Variants in ABCC5 observed in about 807,000 individuals in gnomAD.
ABCC5 encodes ATP binding cassette subfamily C member 5.
A neutral mutation model predicts 160.9 loss-of-function variants in ABCC5; 61 were observed. That is an observed-to-expected ratio of 0.38 (90% confidence interval 0.31 to 0.47). The LOEUF (loss-of-function observed/expected upper bound fraction) is 0.47. Among genes scored for constraint, ABCC5 ranks in the 20% least tolerant of loss-of-function variants. The probability of loss-of-function intolerance (pLI) is 0.99; values close to 1 mark genes in which losing one functional copy is unlikely to be tolerated. For missense variants in ABCC5, 1,308 were observed against 1,813.3 expected (o/e 0.72, Z 5.06); for synonymous variants, 666 against 700.6 (o/e 0.95, Z 0.78).
rs115178982 is a variant in ABCC5, at chr3:183,998,485, G to A, written c.130-9102C>T. ...AACAAACCAACATAGCATGTACTAT[G>A]TGCCAGACACTGTTTTAAATGGTTT... On this transcript the variant is annotated intron_variant, in intron 2 of 29. Coordinates refer to ENST00000334444, the MANE Select transcript of ABCC5 (RefSeq NM_005688.4). Among the ~76,000 whole-genome samples, 634 of 152,250 alleles carry A rather than the reference G, an allele frequency of 4.2e-3. 2 individuals carry two copies. Among genetic ancestry groups the A allele is most frequent in the Admixed American group, 8.2e-3 (126 of 15,276 alleles).
chr3:183,977,708 G>C (rs909914671), intron 9 of ABCC5, 84 bp from the exon 10 acceptor site: 1 of 900,748 alleles, frequency 1.1e-6, no homozygotes, highest in Admixed American at 2.4e-5. Flanking sequence ...CCTCTCAGGC[G>C]CTAGGAAGGC....
chr3:183,973,501 G>A lies in ABCC5; in HGVS notation c.1405-1582C>T, dbSNP rs544517661. Among the ~76,000 whole-genome samples the A allele has an allele frequency of 3.3e-4, 50 of 152,178 alleles. 1 individual carries two copies. In the South Asian group the frequency reaches 9.5e-3, roughly 29 times the overall value. On this transcript the variant is annotated intron_variant, in intron 10 of 29. Transcript: ENST00000334444. ...GCTTTTAGGGTCAGGACCCTCCTTA[G>A]TTACTGAGAACCCCCCAGCTATCTT...
rs1335966819 is a variant in ABCC5, at chr3:183,971,887, T to C, written c.1437A>G (p.Ile479Met). The stretch of plus-strand genomic sequence containing the variant: ...TGTGAGGACTGGCTGGTTTGTTCTT[T>C]ATCATGTGAACCTCTTCCATTAGAA... Reference protein sequence around the residue: ...SLFLMEEVHMIKNKPASPHIK... With the variant: ...SLFLMEEVHMMKNKPASPHIK... The change falls in exon 11 of 30, where the codon ATA becomes ATG. Residue 479 changes from isoleucine (I) to methionine (M), a missense_variant. Around this residue, in one of 3 missense-constraint regions of ABCC5, gnomAD observed 1,142 missense variants for 1,527.1 expected, o/e 0.75. Coordinates refer to ENST00000334444, the MANE Select transcript of ABCC5 (RefSeq NM_005688.4). 1 of 1,614,072 alleles carries C rather than the reference T, an allele frequency of 6.2e-7. No homozygotes were observed. The highest frequency in any genetic ancestry group is 1.3e-5 in the African/African-American group (1 of 74,928).
intron 12 of ABCC5, among the ~76,000 whole-genome samples, chr3:183,966,460 CAG>C (rs1490573152): frequency 6.6e-6 from 1 of 152,240 alleles, no homozygotes. Context: ...CTGCCAGAGA[CAG>C]GGTTGCCAGG....
chr3:184,005,371 T>C (rs1180467812), intron 2 of ABCC5, among the ~76,000 whole-genome samples: 2 of 152,156 alleles, frequency 1.3e-5, no homozygotes, highest in African/African-American at 2.4e-5. Context: ...ATTCATAAAA[T>C]AATCTTAAAT....
intron 29 of ABCC5, among the ~76,000 whole-genome samples, chr3:183,924,077 G>A (rs559702939): frequency 2.7e-5 from 4 of 147,358 alleles, no homozygotes; most frequent in Admixed American, 6.8e-5. Flanking sequence ...GTGCAGTGGC[G>A]CTATCTCAGC....
At chr3:183,938,192 A>T (rs1057380320) in intron 25 of ABCC5, 132 bp from the exon 26 acceptor site, 36 of 873,146 alleles carry the variant, frequency 4.1e-5, no homozygotes, top group Non-Finnish European at 5.6e-5. Flanking sequence ...ATTAACTGAG[A>T]TAATGTATAA....
intron 25 of ABCC5, among the ~76,000 whole-genome samples, chr3:183,941,229 G>A (rs1305650603): frequency 6.6e-6 from 1 of 152,130 alleles, no homozygotes; most frequent in East Asian, 1.9e-4. Flanking sequence ...GCTTGTTTTG[G>A]CCTATCTCAC....
intron 25 of ABCC5, 171 bp downstream of exon 25, chr3:183,942,556 T>G (rs1444121763): frequency 1.2e-6 from 1 of 810,006 alleles, no homozygotes; most frequent in East Asian, 2.7e-5. Context: ...TGAAAAGCAC[T>G]CAATGTCATC....
intron 26 of ABCC5, among the ~76,000 whole-genome samples, chr3:183,936,780 T>C (rs1254382992): frequency 2.0e-5 from 3 of 152,158 alleles, no homozygotes; most frequent in Non-Finnish European, 4.4e-5. Flanking sequence ...AGTGTTGGGA[T>C]TACAGGCGTG....
chr3:183,921,251 A>AGGGAATG lies in ABCC5; in HGVS notation c.*42_*48dup. 2 of 1,111,900 alleles carry AGGGAATG rather than the reference A, an allele frequency of 1.8e-6. No individual in the cohort carries two copies. The highest frequency in any genetic ancestry group is 2.7e-6 in the Non-Finnish European group (2 of 747,620). The allele number at this position is 1,111,900 out of a possible 1,614,324, so 68.9% of individuals were successfully genotyped here. ...ACGCGATGAGGGGCCCGCCCCAGGC[A>AGGGAATG]GGGAATGGCAATGCTCTAAAGAAAA... On this transcript the variant is annotated 3_prime_UTR_variant, in exon 30 of 30. Coordinates refer to ENST00000334444, the MANE Select transcript of ABCC5 (RefSeq NM_005688.4). The surrounding 1 kb of genome is among the most constrained non-coding windows in gnomAD (Gnocchi z 4.1).
intron 2 of ABCC5, among the ~76,000 whole-genome samples, chr3:184,003,087 A>G (rs1720887489): frequency 1.3e-5 from 2 of 152,154 alleles, no homozygotes; most frequent in African/African-American, 4.8e-5. Flanking sequence ...CCTTCTGGCC[A>G]AGAAAACCAT....
chr3:184,007,223 T>A (rs1408095078), intron 2 of ABCC5, among the ~76,000 whole-genome samples: 2 of 151,556 alleles, frequency 1.3e-5, no homozygotes, highest in East Asian at 4.0e-4. Flanking sequence ...GGTTTCACCA[T>A]GTTAGCCAGG....
intron 8 of ABCC5, among the ~76,000 whole-genome samples, chr3:183,980,687 C>T (rs969573343): frequency 1.3e-5 from 2 of 151,596 alleles, no homozygotes; most frequent in Admixed American, 6.6e-5. Flanking sequence ...AGGAAAACAA[C>T]AGCTGCCTTG....
chr3:183,925,840 CTTTT>C (rs1208671884), intron 28 of ABCC5, 121 bp from the exon 29 acceptor site: 1,085 of 700,624 alleles, frequency 1.5e-3, no homozygotes, highest in South Asian at 2.3e-3. Flanking sequence ...TCTTTTCTTT[CTTTT>C]TTTTTTTTTT....
At chr3:183,993,734 A>C (rs1719989417) in intron 2 of ABCC5, among the ~76,000 whole-genome samples, 2 of 152,204 alleles carry the variant, frequency 1.3e-5, no homozygotes, top group Admixed American at 1.3e-4. Context: ...GGCAAAATAT[A>C]TATAACATAA....
At chr3:183,983,628 C>T (rs1301559050) in intron 5 of ABCC5, 1 of 528,078 alleles carries the variant, frequency 1.9e-6, no homozygotes, top group Non-Finnish European at 2.4e-6. Flanking sequence ...TGTCTAACAC[C>T]ACCTGCAGAG....
Position 183,928,735 on chromosome 3 carries a change from C to A in ABCC5, c.3933+12G>T. On this transcript the variant is annotated intron_variant, in intron 27 of 29. Transcript: ENST00000334444. ...CCATCTCAGCACGGCTTCCCCTAAGCTCTTCACTTACACATTCTTTCATGT... is the reference window on the plus strand; with the variant it reads ...CCATCTCAGCACGGCTTCCCCTAAGATCTTCACTTACACATTCTTTCATGT... 2 of 1,613,224 alleles carry A rather than the reference C, an allele frequency of 1.2e-6. No homozygotes were observed. The highest frequency in any genetic ancestry group is 1.7e-6 in the Non-Finnish European group (2 of 1,179,270).
chr3:183,985,458 G>A (rs1449905447), intron 5 of ABCC5: 3 of 1,215,966 alleles, frequency 2.5e-6, no homozygotes, highest in South Asian at 2.4e-5. Flanking sequence ...CAAGCAAGCT[G>A]CAGGTGGAGA....
Sources: allele counts gnomAD v4.1 joint callset (sites outside exome capture counted in the v4.1 genomes callset), GRCh38; gene constraint gnomAD v4.1.1; regional missense constraint gnomAD v4.1.1; non-coding constraint Gnocchi (gnomAD v3.1); transcripts MANE v1.5; gene names NCBI Gene and HGNC (gene_info 2026-07-23, HGNC 2026-07-21).